The following TRIM44 variants were observed in gnomAD, a reference collection of about 807,000 sequenced individuals.
TRIM44 encodes tripartite motif containing 44.
TRIM44 carries 13 observed loss-of-function variants against 37.4 expected under a neutral mutation model. The ratio of observed to expected loss-of-function variants is 0.35; its 90% confidence interval spans 0.23 to 0.55. The LOEUF (loss-of-function observed/expected upper bound fraction) is 0.55, where lower values mean the gene tolerates loss of function less well. Ranked by LOEUF, TRIM44 falls within the 20% of genes least tolerant of loss-of-function variation. The probability of loss-of-function intolerance (pLI) is 0.89; values close to 1 mark genes in which losing one functional copy is unlikely to be tolerated. For missense variants in TRIM44, 426 were observed against 437.2 expected, an observed-to-expected ratio of 0.97 and a Z score of 0.23; for synonymous variants, 175 against 157.2, an observed-to-expected ratio of 1.11 and a Z score of -0.85.
At position 35,774,505 on chromosome 11, in the gene TRIM44, G is replaced by A. The variant is rs1466194304; in HGVS notation, c.1008-31853G>A. Among the ~76,000 whole-genome samples, 3 of 152,134 alleles carry A rather than the reference G, an allele frequency of 2.0e-5. 1 individual carries two copies. The highest frequency in any genetic ancestry group is 6.5e-5 in the Admixed American group (1 of 15,280). The stretch of plus-strand genomic sequence containing the variant: ...CCATTTGTCAATTTTGGCTTTTGTT[G>A]CCATTGCTTTTGGTGTTTTAATCAT... On this transcript the variant is annotated intron_variant, in intron 4 of 4. Transcript: ENST00000299413.
chr11:35,710,717 T>C (rs967589083), intron 2 of TRIM44, among the ~76,000 whole-genome samples: 1 of 152,238 alleles, frequency 6.6e-6, no homozygotes, highest in Non-Finnish European at 1.5e-5. Context: ...GAGACAACCC[T>C]GCAAATGGAG....
intron 3 of TRIM44, among the ~76,000 whole-genome samples, chr11:35,729,349 T>G (rs926475163): frequency 6.6e-6 from 1 of 152,178 alleles, no homozygotes; most frequent in African/African-American, 2.4e-5. Flanking sequence ...GGTGAAACTC[T>G]TACTTCTACC....
At position 35,736,704 on chromosome 11, in the gene TRIM44, G is replaced by A. The variant is rs908624914; in HGVS notation, c.1007+1259G>A. ...CTTGTCTAGCTCCTTGTCTACTATG[G>A]CTAAAGCCACAGGCACCCAACTTTA... is the stretch of plus-strand genomic sequence containing the variant. On this transcript the variant is annotated intron_variant, in intron 4 of 4. Coordinates refer to ENST00000299413, the MANE Select transcript of TRIM44 (RefSeq NM_017583.6). Among the ~76,000 whole-genome samples, 29 of 152,086 alleles carry A rather than the reference G, an allele frequency of 1.9e-4. 1 individual carries two copies. The highest frequency in any genetic ancestry group is 6.3e-4 in the African/African-American group (26 of 41,402).
chr11:35,769,795 T>C (rs1267483778), intron 4 of TRIM44, among the ~76,000 whole-genome samples: 1 of 152,146 alleles, frequency 6.6e-6, no homozygotes, highest in Non-Finnish European at 1.5e-5. Context: ...ACAAATAAAT[T>C]GAACAAATTG....
chr11:35,705,473 C>T (rs1354752123), intron 2 of TRIM44, among the ~76,000 whole-genome samples: 2 of 152,158 alleles, frequency 1.3e-5, no homozygotes, highest in Non-Finnish European at 2.9e-5. Context: ...TTTTCAGCAC[C>T]ACACCACACC....
Position 35,735,409 on chromosome 11 carries a change from T to A in TRIM44, c.988-17T>A. 1 of 1,613,592 alleles carries A rather than the reference T, an allele frequency of 6.2e-7. No individual in the cohort carries two copies. ...AACAGTGATTTCTAATACTGTTTCT[T>A]TCTGTTTGTCTTTCAGGGCGATGAG... On this transcript the variant is annotated splice_polypyrimidine_tract_variant and intron_variant, in intron 3 of 4. Coordinates refer to ENST00000299413, the MANE Select transcript of TRIM44 (RefSeq NM_017583.6).
At chr11:35,785,858 A>G (rs952595137) in intron 4 of TRIM44, among the ~76,000 whole-genome samples, 1 of 152,102 alleles carries the variant, frequency 6.6e-6, no homozygotes, top group African/African-American at 2.4e-5. Flanking sequence ...AAAGGTTTCT[A>G]GTCTCTCAAT....
chr11:35,696,039 AC>A (rs1318486378), intron 2 of TRIM44, among the ~76,000 whole-genome samples: 1 of 152,066 alleles, frequency 6.6e-6, no homozygotes, highest in Non-Finnish European at 1.5e-5. Flanking sequence ...TGATTTTGGT[AC>A]CCCATCAAAT....
chr11:35,796,326 G>C (rs1853289123), intron 4 of TRIM44, among the ~76,000 whole-genome samples: 1 of 152,226 alleles, frequency 6.6e-6, no homozygotes, highest in Admixed American at 6.5e-5. Context: ...ACAGAGATTA[G>C]AGATAAGTGT....
Position 35,705,735 on chromosome 11 carries a change from C to T in TRIM44, c.748-20189C>T, listed in dbSNP as rs1353508786. ...CCAACGAGAACAAAGACACAACATA[C>T]CAGAATCTCTGGGACACATTCAAAG... On this transcript the variant is annotated intron_variant, in intron 2 of 4. Transcript: ENST00000299413. Among the ~76,000 whole-genome samples, 30 of 146,910 alleles carry T rather than the reference C, an allele frequency of 2.0e-4. 4 individuals are homozygous for T. The highest frequency in any genetic ancestry group is 1.6e-3 in the Admixed American group (23 of 14,630).
chr11:35,748,475 C>A (rs1852522196), intron 4 of TRIM44, among the ~76,000 whole-genome samples: 1 of 152,176 alleles, frequency 6.6e-6, no homozygotes, highest in Non-Finnish European at 1.5e-5. Context: ...GAAAAACATG[C>A]TATTAATATT....
At chr11:35,783,360 A>G (rs1853089634) in intron 4 of TRIM44, among the ~76,000 whole-genome samples, 1 of 152,202 alleles carries the variant, frequency 6.6e-6, no homozygotes, top group Non-Finnish European at 1.5e-5. Flanking sequence ...GATGTTGCCC[A>G]GAGCCCTTGA....
At chr11:35,775,188 C>T (rs1380368749) in intron 4 of TRIM44, among the ~76,000 whole-genome samples, 2 of 152,102 alleles carry the variant, frequency 1.3e-5, no homozygotes, top group African/African-American at 2.4e-5. Flanking sequence ...CCCTCACATC[C>T]CTTGTAAGTT....
chr11:35,691,330 C>G (rs1238329593), intron 2 of TRIM44, among the ~76,000 whole-genome samples: 1 of 152,102 alleles, frequency 6.6e-6, no homozygotes, highest in African/African-American at 2.4e-5. Flanking sequence ...CAAGCTCTTT[C>G]CCTCCTTCAC....
chr11:35,721,361 TCCACCATTCACAGATAA>T (rs1852104381), intron 2 of TRIM44, among the ~76,000 whole-genome samples: 1 of 152,230 alleles, frequency 6.6e-6, no homozygotes, highest in African/African-American at 2.4e-5. Flanking sequence ...TACTTGTAAT[TCCACCATTCACAGATAA>T]CCACTCTCCA....
At chr11:35,721,534 A>G (rs1212067870) in intron 2 of TRIM44, among the ~76,000 whole-genome samples, 1 of 152,248 alleles carries the variant, frequency 6.6e-6, no homozygotes, top group African/African-American at 2.4e-5. Context: ...GTAGTACCTT[A>G]TTAACAAAGT....
At position 35,808,157 on chromosome 11, in the gene TRIM44, T is replaced by G. The variant is rs1853478464; in HGVS notation, c.*1772T>G. On this transcript the variant is annotated 3_prime_UTR_variant, in exon 5 of 5. Coordinates refer to ENST00000299413, the MANE Select transcript of TRIM44 (RefSeq NM_017583.6). Reference sequence around the variant, plus strand: ...ATATGCTTCTAGGTTAGGATTGTCCTGACTCACTAAAGATGCCAGGATATT... The same window carrying G: ...ATATGCTTCTAGGTTAGGATTGTCCGGACTCACTAAAGATGCCAGGATATT... The G allele has an allele frequency of 7.3e-6, 1 of 136,184 alleles. No individual in the cohort carries two copies. The highest frequency in any genetic ancestry group is 1.5e-5 in the Non-Finnish European group (1 of 65,284). The allele number at this position is 136,184 out of a possible 1,614,324, so 8.4% of individuals were successfully genotyped here. A position where few individuals can be genotyped will look rare whatever the true frequency, so the allele number is the denominator to read the frequency against.
intron 4 of TRIM44, among the ~76,000 whole-genome samples, chr11:35,747,724 A>G (rs890484361): frequency 7.2e-5 from 11 of 152,258 alleles, no homozygotes; most frequent in Admixed American, 3.9e-4. Context: ...ACAGGTAAAC[A>G]TTAGTTTACT....
At chr11:35,746,589 A>G (rs781502512) in intron 4 of TRIM44, among the ~76,000 whole-genome samples, 1 of 150,938 alleles carries the variant, frequency 6.6e-6, no homozygotes. Context: ...TTTCTTTCCT[A>G]GATGATGTGA....
Sources: gnomAD v4.1 joint callset for allele counts (sites outside exome capture counted in the v4.1 genomes callset) on GRCh38, gnomAD v4.1.1 for gene constraint, MANE v1.5 for transcripts, NCBI Gene and HGNC (gene_info 2026-07-23, HGNC 2026-07-21) for gene names.